NFRKB: variants seen among roughly 807,000 people sequenced by gnomAD.
NFRKB encodes the protein nuclear factor related to kappa-B-binding protein.
A neutral mutation model predicts 135.7 loss-of-function variants in NFRKB; 62 were observed. The observed-to-expected ratio is 0.46, with a 90% CI of 0.37 to 0.56. NFRKB has a LOEUF of 0.56. Ranked by LOEUF, NFRKB falls within the 20% of genes least tolerant of loss-of-function variation. The probability of loss-of-function intolerance (pLI) is 0.00; values close to 1 mark genes in which losing one functional copy is unlikely to be tolerated. For missense variants in NFRKB, 1,545 were observed against 1,662.0 expected, an observed-to-expected ratio of 0.93 and a Z score of 1.22; for synonymous variants, 678 against 635.6, an observed-to-expected ratio of 1.07 and a Z score of -1.00.
In NFRKB at chr11:129,873,028, C is replaced by T; in HGVS notation, c.2619G>A (p.Gly873=). 6.2e-7 allele frequency: 1 copy of T among 1,614,150 alleles called. No individual in the cohort carries two copies. The change falls in exon 23 of 27, where the codon GGG becomes GGA. Residue 873 remains glycine, a synonymous_variant. Transcript: ENST00000682444. The stretch of plus-strand genomic sequence containing the variant: ...GACTTGTCACCGTGAGCCCTGTCTG[C>T]CCGGGTCCAGGCCGCTGCACAGTGG... ...TAATVQRPGP[G]QTGLTVTSLP...
At chr11:129,880,962 G>T (rs1369523375) in intron 13 of NFRKB, among the ~76,000 whole-genome samples, 1 of 152,150 alleles carries the variant, frequency 6.6e-6, no homozygotes, top group African/African-American at 2.4e-5. Context: ...GCCTCCAAGT[G>T]ACTTCAGATG....
Position 129,875,480 on chromosome 11 carries a change from G to A in NFRKB, c.1748-17C>T, listed in dbSNP as rs2135648373. On this transcript the variant is annotated splice_polypyrimidine_tract_variant and intron_variant, in intron 17 of 26. Transcript: ENST00000682444. ...CGTCCCGAACTGATGACATGAGAAA[G>A]CACACAGTCCACAAGTCAGGCAGGG... 1.3e-6 allele frequency: 2 copies of A among 1,574,412 alleles called. No individual in the cohort carries two copies. The highest frequency in any genetic ancestry group is 1.3e-5 in the African/African-American group (1 of 74,542).
Position 129,864,298 on chromosome 11 carries a change from T to C in NFRKB, c.*427A>G, listed in dbSNP as rs559291858. 1 of 155,330 alleles carries C rather than the reference T, an allele frequency of 6.4e-6. No homozygotes were observed. The highest frequency in any genetic ancestry group is 2.0e-4 in the South Asian group (1 of 4,922). The allele number at this position is 155,330 out of a possible 1,614,324, so 9.6% of individuals were successfully genotyped here. A position where few individuals can be genotyped will look rare whatever the true frequency, so the allele number is the denominator to read the frequency against. ...TTAAAAAAATAAATTACATAAAATTTTCTGGACACAAAACTCCTATCCAGA... is the reference window on the plus strand; with the variant it reads ...TTAAAAAAATAAATTACATAAAATTCTCTGGACACAAAACTCCTATCCAGA... On this transcript the variant is annotated 3_prime_UTR_variant, in exon 27 of 27. Coordinates refer to ENST00000682444, the MANE Select transcript of NFRKB (RefSeq NM_001143835.2).
intron 13 of NFRKB, among the ~76,000 whole-genome samples, chr11:129,881,129 G>A (rs755890098): frequency 1.3e-5 from 2 of 152,172 alleles, no homozygotes; most frequent in Non-Finnish European, 2.9e-5. Context: ...TTAATCCAAA[G>A]TCATCTGTAT....
chr11:129,877,425 C>T, intron 15 of NFRKB, 40 bp from the exon 16 acceptor site: 2 of 1,584,812 alleles, frequency 1.3e-6, no homozygotes, highest in Non-Finnish European at 1.7e-6. Context: ...TGACAGCTGG[C>T]ACGTGTGTCA....
rs746068584 is a variant in NFRKB at position 129,874,058 on chromosome 11, A to G, written c.2280-43T>C. Reference sequence around the variant, plus strand: ...GAAAGACAAAAAACAAAAACTTAGGACATGCATACAAAAGAACTCTAGAAC... The same window carrying G: ...GAAAGACAAAAAACAAAAACTTAGGGCATGCATACAAAAGAACTCTAGAAC... On this transcript the variant is annotated intron_variant, in intron 21 of 26. Coordinates refer to ENST00000682444, the MANE Select transcript of NFRKB (RefSeq NM_001143835.2). This position sits in a 1 kb window ranked among gnomAD's most constrained non-coding sequence, Gnocchi z 4.5. 1.9e-6 allele frequency: 3 copies of G among 1,599,002 alleles called. No homozygotes were observed. Among genetic ancestry groups the G allele is most frequent in the Non-Finnish European group, 2.6e-6 (3 of 1,169,466 alleles).
chr11:129,893,758 C>T (rs994964580), intron 2 of NFRKB, among the ~76,000 whole-genome samples: 1 of 152,142 alleles, frequency 6.6e-6, no homozygotes, highest in Non-Finnish European at 1.5e-5. Flanking sequence ...GTTATTACAT[C>T]GGAATTAAAA....
Position 129,873,760 on chromosome 11 carries a change from G to C in NFRKB, c.2535C>G (p.Thr845=). The C allele has an allele frequency of 6.2e-7, 1 of 1,613,938 alleles. No homozygotes were observed. The highest frequency in any genetic ancestry group is 1.1e-5 in the South Asian group (1 of 91,074). The part of the protein sequence containing the change: ...QIRVPATATQ[T]KVVPQTVMAT... Reference sequence around the variant, plus strand: ...CCCTGTTTACCTGGGGCACTACTTTGGTCTGTGTGGCAGTGGCTGGAACCC... The same window carrying C: ...CCCTGTTTACCTGGGGCACTACTTTCGTCTGTGTGGCAGTGGCTGGAACCC... The change falls in exon 22 of 27, where the codon ACC becomes ACG. Residue 845 remains threonine, a synonymous_variant. Transcript: ENST00000682444.
Position 129,874,793 on chromosome 11 carries a change from C to T in NFRKB, c.1978G>A (p.Glu660Lys). Reference protein sequence around the residue: ...LHRDRSEEEFERIHQAQAAAA... With the variant: ...LHRDRSEEEFKRIHQAQAAAA... The stretch of plus-strand genomic sequence containing the variant: ...GACAGTGCCCAGAGGCCTCACACAC[C>T]AAACTCTTCTTCACTCCGGTCACGA... The change falls in exon 19 of 27, where the codon GAG becomes AAG. Residue 660 changes from glutamate to lysine, a missense_variant and splice_region_variant. Glu to Lys is a moderately conservative substitution (Grantham distance 56). This residue lies in a region of NFRKB where 114 missense variants were observed against 211.0 expected (regional missense o/e 0.54). Transcript: ENST00000682444. This position sits in a 1 kb window ranked among gnomAD's most constrained non-coding sequence, Gnocchi z 4.5. 6.2e-7 allele frequency: 1 copy of T among 1,614,146 alleles called. No individual in the cohort carries two copies. The highest frequency in any genetic ancestry group is 1.1e-5 in the South Asian group (1 of 91,082).
intron 24 of NFRKB, among the ~76,000 whole-genome samples, chr11:129,867,322 CTTTTTTTT>C (rs894926200): frequency 2.3e-5 from 3 of 129,526 alleles, no homozygotes; most frequent in Admixed American, 1.6e-4. Context: ...CTAAGTAACT[CTTTTTTTT>C]TTTTTTTTTT....
chr11:129,887,380 C>T (rs1463520732), intron 4 of NFRKB, among the ~76,000 whole-genome samples: 3 of 152,104 alleles, frequency 2.0e-5, no homozygotes, highest in African/African-American at 7.2e-5. Flanking sequence ...CAAGAGGTAC[C>T]GCAGACACCC....
At chr11:129,892,989 C>T in intron 2 of NFRKB, 119 bp from the exon 3 acceptor site, 1 of 1,548,016 alleles carries the variant, frequency 6.5e-7, no homozygotes, top group South Asian at 1.2e-5. Context: ...TATCCTTGCA[C>T]CCTAATTACA....
At chr11:129,890,037 T>TTG (rs960176905) in intron 3 of NFRKB, among the ~76,000 whole-genome samples, 2 of 150,576 alleles carry the variant, frequency 1.3e-5, no homozygotes, top group African/African-American at 4.9e-5. Flanking sequence ...TTGTTTTTTT[T>TTG]TTTTGTTTTT....
chr11:129,873,163 A>T, intron 22 of NFRKB, 67 bp from the exon 23 acceptor site: 1 of 1,366,156 alleles, frequency 7.3e-7, no homozygotes, highest in Non-Finnish European at 9.9e-7. Flanking sequence ...TCTAAGCAAG[A>T]GTCTCCCTCA....
At position 129,869,693 on chromosome 11, in the gene NFRKB, G is replaced by A. The variant is rs1193855025; in HGVS notation, c.3332C>T (p.Ala1111Val). Residue 1111 changes from alanine to valine, a missense_variant, in exon 24 of 27, where the codon GCC becomes GTC. Physicochemically the swap from Ala to Val is moderately conservative, Grantham distance 64. Around this residue, in one of 3 missense-constraint regions of NFRKB, gnomAD observed 753 missense variants for 804.3 expected, o/e 0.94. Coordinates refer to ENST00000682444, the MANE Select transcript of NFRKB (RefSeq NM_001143835.2). ...ACTGGCCACCGAGGCCCCTTGCTTG[G>A]CGTGGGTTGCAACGGTGATGGTCTG... ...AGQTITVATH[A>V]KQGASVASGS... 1 of 1,614,122 alleles carries A rather than the reference G, an allele frequency of 6.2e-7. No homozygotes were observed. Among genetic ancestry groups the A allele is most frequent in the Non-Finnish European group, 8.5e-7 (1 of 1,180,044 alleles).
In NFRKB at chr11:129,864,413, C is replaced by T. The variant is rs1447214073; in HGVS notation, c.*312G>A. 3 of 316,294 alleles carry T rather than the reference C, an allele frequency of 9.5e-6. No individual in the cohort carries two copies. The East Asian group carries it at 2.0e-4, about 21-fold the overall frequency. The allele number at this position is 316,294 out of a possible 1,614,324, so 19.6% of individuals were successfully genotyped here. A position where few individuals can be genotyped will look rare whatever the true frequency, so the allele number is the denominator to read the frequency against. ...CTGTGTGCACTCTGCAACTGGTAAG[C>T]CTTCCCTGGGGGTCTTACTCTCAGA... On this transcript the variant is annotated 3_prime_UTR_variant, in exon 27 of 27. Transcript: ENST00000682444.
chr11:129,888,252 G>C (rs1318291575), intron 4 of NFRKB: 1 of 585,020 alleles, frequency 1.7e-6, no homozygotes. Context: ...CTTGATACGT[G>C]CAATAAAGCA....
chr11:129,883,655 T>A (rs1949133244), intron 8 of NFRKB, among the ~76,000 whole-genome samples: 1 of 152,186 alleles, frequency 6.6e-6, no homozygotes, highest in Non-Finnish European at 1.5e-5. Context: ...TATCATCTTT[T>A]CTCCACTGAA....
At chr11:129,883,083 T>C (rs775564760) in intron 9 of NFRKB, 39 bp downstream of exon 9, 34 of 1,588,032 alleles carry the variant, frequency 2.1e-5, no homozygotes, top group Non-Finnish European at 2.2e-5. Context: ...CTTAACACCA[T>C]AGTCAGATGA....
Sources: allele counts gnomAD v4.1 joint callset (sites outside exome capture counted in the v4.1 genomes callset), GRCh38; gene constraint gnomAD v4.1.1; regional missense constraint gnomAD v4.1.1; non-coding constraint Gnocchi (gnomAD v3.1); transcripts MANE v1.5; gene names NCBI Gene and HGNC (gene_info 2026-07-23, HGNC 2026-07-21).